SPTBN5: variants seen among roughly 807,000 people sequenced by gnomAD.
SPTBN5 encodes the protein spectrin beta, non-erythrocytic 5, also known as spectrin beta chain, non-erythrocytic 5.
SPTBN5 carries 513 observed loss-of-function variants against 477.6 expected under a neutral mutation model. The observed-to-expected ratio is 1.07, with a 90% CI of 1.00 to 1.16. SPTBN5 has a LOEUF of 1.16. Ranked by LOEUF, SPTBN5 falls within the 50% of genes most tolerant of loss-of-function variation. SPTBN5 has a pLI of 0.00. For missense variants in SPTBN5, 5,062 were observed against 4,731.8 expected (o/e 1.07, Z -2.05); for synonymous variants, 2,169 against 2,011.7 (o/e 1.08, Z -2.09).
chr15:41,859,622 C>T (rs906421932), intron 47 of SPTBN5, among the ~76,000 whole-genome samples: 5 of 152,286 alleles, frequency 3.3e-5, no homozygotes, highest in East Asian at 3.9e-4. Context: ...CACAGGGGGA[C>T]GATCTGCCTC....
chr15:41,858,901 C>T lies in SPTBN5; in HGVS notation c.8068G>A (p.Asp2690Asn), dbSNP rs376363277. The change falls in exon 48 of 68, where the codon GAC becomes AAC. Residue 2690 changes from aspartate to asparagine, a missense_variant. Coordinates refer to ENST00000320955, the MANE Select transcript of SPTBN5 (RefSeq NM_016642.4). ...CAAGCGAGGCGAACCTCCTGGGAGT[C>T]CTGCAGGAAGGCCTGCAGCTGCCGG... is the stretch of plus-strand genomic sequence containing the variant. The part of the protein sequence containing the change: ...ELRQLQAFLQ[D>N]SQEVAAWLRE... 6.3e-7 allele frequency: 1 copy of T among 1,590,302 alleles called. No homozygotes were observed. Among genetic ancestry groups the T allele is most frequent in the South Asian group, 1.1e-5 (1 of 88,776 alleles).
At chr15:41,866,771 G>C (rs1168737031) in intron 36 of SPTBN5, among the ~76,000 whole-genome samples, 188 bp downstream of exon 36, 1 of 152,220 alleles carries the variant, frequency 6.6e-6, no homozygotes, top group Non-Finnish European at 1.5e-5. Context: ...CGCTGCTAGA[G>C]CTCGGGACAC....
Position 41,879,353 on chromosome 15 carries a change from C to T in SPTBN5, c.3089G>A (p.Ser1030Asn), listed in dbSNP as rs771814159. ...LLQLEALQPG[S>N]SEDTCHALQL... Reference sequence around the variant, plus strand: ...CAGGGCGTGGCAGGTGTCCTCTGAGCTCCCTGGCTGCAGGGCCTCCAGCTG... The same window carrying T: ...CAGGGCGTGGCAGGTGTCCTCTGAGTTCCCTGGCTGCAGGGCCTCCAGCTG... The change falls in exon 16 of 68, where the codon AGC (serine) becomes AAC (asparagine). Residue 1030 changes from serine (S) to asparagine (N), a missense_variant. Transcript: ENST00000320955. 1.1e-5 allele frequency: 17 copies of T among 1,609,658 alleles called. No homozygotes were observed. In the Admixed American group the frequency reaches 1.7e-4, roughly 16 times the overall value.
chr15:41,862,913 G>C lies in SPTBN5; in HGVS notation c.7150-10C>G, dbSNP rs762966324. 5 of 1,562,784 alleles carry C rather than the reference G, an allele frequency of 3.2e-6. No individual in the cohort carries two copies. The highest frequency in any genetic ancestry group is 2.6e-6 in the Non-Finnish European group (3 of 1,154,580). ...CCTGGATCAGGGCTTCCTGGAGGAG[G>C]GGCACGGCCAGTTACCTGCTGGGCC... On this transcript the variant is annotated splice_polypyrimidine_tract_variant and intron_variant, in intron 41 of 67. Transcript: ENST00000320955.
chr15:41,893,894 C>T lies in SPTBN5; in HGVS notation c.-50+5G>A. The T allele has an allele frequency of 3.9e-6, 1 of 254,978 alleles. No homozygotes were observed. Among genetic ancestry groups the T allele is most frequent in the Non-Finnish European group, 7.7e-6 (1 of 130,678 alleles). 15.8% of individuals were successfully genotyped at this position (254,978 alleles called of 1,614,324 possible). On this transcript the variant is annotated splice_donor_5th_base_variant and intron_variant, in intron 1 of 67. Coordinates refer to ENST00000320955, the MANE Select transcript of SPTBN5 (RefSeq NM_016642.4). ...TGGAGATGGTAGATAGCAGGGGCTGCTTACCTTGGTGATGCCTGGGTTCCA... is the reference window on the plus strand; with the variant it reads ...TGGAGATGGTAGATAGCAGGGGCTGTTTACCTTGGTGATGCCTGGGTTCCA...
At chr15:41,874,797 C>T in intron 23 of SPTBN5, 45 bp downstream of exon 23, 9 of 1,560,950 alleles carry the variant, frequency 5.8e-6, no homozygotes, top group Non-Finnish European at 7.8e-6. Flanking sequence ...ACCTTAAATT[C>T]ACATGGAGGA....
intron 67 of SPTBN5, 125 bp downstream of exon 67, chr15:41,849,744 T>A (rs903100012): frequency 1.5e-5 from 11 of 734,296 alleles, no homozygotes; most frequent in South Asian, 1.2e-4. Flanking sequence ...AGGGTTCCAA[T>A]AGCATTTCCC....
Position 41,893,288 on chromosome 15 carries a change from G to A in SPTBN5, c.210C>T (p.Cys70=), listed in dbSNP as rs754207951. Residue 70 remains cysteine (C), a synonymous_variant, in exon 2 of 68, where the codon TGC becomes TGT. Coordinates refer to ENST00000320955, the MANE Select transcript of SPTBN5 (RefSeq NM_016642.4). ...CACAGCTGGCTATACTCACCTGGCC[G>A]CACTGGAAGACGTTATTGATCCACT... ...FTKWINNVFQ[C]GQAGIKIRNL... is the part of the protein sequence containing the mutation. 5.1e-5 allele frequency: 83 copies of A among 1,613,842 alleles called. No homozygotes were observed. The highest frequency in any genetic ancestry group is 4.9e-4 in the South Asian group (45 of 91,080).
At chr15:41,865,080 C>T (rs1476414250) in intron 39 of SPTBN5, among the ~76,000 whole-genome samples, 1 of 152,230 alleles carries the variant, frequency 6.6e-6, no homozygotes, top group Non-Finnish European at 1.5e-5. Flanking sequence ...TAGGTTTAAG[C>T]ACTGCCGCCT....
In SPTBN5 at chr15:41,883,456, C is replaced by A. The variant is rs976672610; in HGVS notation, c.1551G>T (p.Arg517Ser). The part of the protein sequence containing the change: ...RQEEVTVRWQ[R>S]LLQHLQGQRK... Reference sequence around the variant, plus strand: ...TCTGTCCCTGTAGATGCTGAAGGAGCCTCTGCCAGCGCACGGTAACTTCCT... The same window carrying A: ...TCTGTCCCTGTAGATGCTGAAGGAGACTCTGCCAGCGCACGGTAACTTCCT... Residue 517 changes from arginine to serine, a missense_variant, in exon 8 of 68, where the codon AGG (arginine) becomes AGT (serine). By Grantham distance (110) the Arg-to-Ser change is moderately radical. Coordinates refer to ENST00000320955, the MANE Select transcript of SPTBN5 (RefSeq NM_016642.4). 7 of 1,613,832 alleles carry A rather than the reference C, an allele frequency of 4.3e-6. No homozygotes were observed. The highest frequency in any genetic ancestry group is 2.2e-5 in the East Asian group (1 of 44,898).
At chr15:41,868,342 C>T (rs1217598932) in intron 33 of SPTBN5, 56 bp downstream of exon 33, 11 of 1,569,946 alleles carry the variant, frequency 7.0e-6, no homozygotes, top group Non-Finnish European at 9.5e-6. Flanking sequence ...CACCAGGTGG[C>T]CAGGCACAGG....
chr15:41,857,828 T>G, intron 49 of SPTBN5, 118 bp from the exon 50 acceptor site: 2 of 1,260,442 alleles, frequency 1.6e-6, no homozygotes, highest in Non-Finnish European at 2.1e-6. Context: ...AGCTGCATGA[T>G]CTTGAGCAAC....
At position 41,868,435 on chromosome 15, in the gene SPTBN5, T is replaced by G. The variant is rs1428416825; in HGVS notation, c.6020A>C (p.Gln2007Pro). The G allele has an allele frequency of 6.2e-7, 1 of 1,608,464 alleles. No homozygotes were observed. Among genetic ancestry groups the G allele is most frequent in the East Asian group, 2.2e-5 (1 of 44,746 alleles). ...KLWQQATQLG[Q>P]QALLAAGTPT... is the part of the protein sequence containing the mutation. The stretch of plus-strand genomic sequence containing the variant: ...TGTCCCTGCAGCAAGAAGTGCCTGC[T>G]GCCCCAGCTGGGTGGCCTGCTGCCA... The change falls in exon 33 of 68, where the codon CAG (glutamine) becomes CCG (proline). Residue 2007 changes from glutamine to proline, a missense_variant. By Grantham distance (76) the Gln-to-Pro change is moderately conservative. Transcript: ENST00000320955.
At chr15:41,868,302 G>A (rs1310635659) in intron 33 of SPTBN5, 84 bp from the exon 34 acceptor site, 2 of 1,563,750 alleles carry the variant, frequency 1.3e-6, no homozygotes, top group African/African-American at 1.4e-5. Context: ...AGCTCCTGAG[G>A]AGAGGCCAGC....
At position 41,851,068 on chromosome 15, in the gene SPTBN5, A is replaced by G; in HGVS notation, c.10826T>C (p.Phe3609Ser). ...ATGTCTCTCCGCTCACCTTAAGGAG[A>G]ATGTGTGTTTCCTGCCGTGGCGGCC... The part of the protein sequence containing the change: ...LRGRHGRKHT[F>S]SLRLTSGAEI... The change falls in exon 65 of 68, where the codon TTC becomes TCC. Residue 3609 changes from phenylalanine to serine, a missense_variant. Phe to Ser is a radical substitution (Grantham distance 155, BLOSUM62 -2). Transcript: ENST00000320955. The G allele has an allele frequency of 6.2e-7, 1 of 1,612,238 alleles. No homozygotes were observed. Among genetic ancestry groups the G allele is most frequent in the Non-Finnish European group, 8.5e-7 (1 of 1,179,538 alleles).
chr15:41,861,625 G>A (rs2066110730), intron 45 of SPTBN5, 110 bp downstream of exon 45: 10 of 1,505,564 alleles, frequency 6.6e-6, no homozygotes, highest in African/African-American at 1.4e-5. Context: ...TGGTGGGGAA[G>A]TCCCTGGCAC....
At chr15:41,854,660 A>G (rs1390545417) in intron 56 of SPTBN5, 122 bp downstream of exon 56, 5 of 836,244 alleles carry the variant, frequency 6.0e-6, no homozygotes, top group Admixed American at 3.3e-5. Flanking sequence ...GAAAAGGCAC[A>G]TTCACTTGAG....
chr15:41,882,342 C>A lies in SPTBN5; in HGVS notation c.2174G>T (p.Gly725Val). The change falls in exon 11 of 68, where the codon GGA (glycine) becomes GTA (valine). Residue 725 changes from glycine to valine, a missense_variant. Gly to Val is a moderately radical substitution (Grantham distance 109, BLOSUM62 -3). Coordinates refer to ENST00000320955, the MANE Select transcript of SPTBN5 (RefSeq NM_016642.4). ...DPGERAEAVQ[G>V]GWQLLQTRVV... Reference sequence around the variant, plus strand: ...CCGGGTCTGGAGCAGCTGCCACCCTCCCTGAACGGCCTCTGCCCGTTCCCC... The same window carrying A: ...CCGGGTCTGGAGCAGCTGCCACCCTACCTGAACGGCCTCTGCCCGTTCCCC... 2 of 1,535,036 alleles carry A rather than the reference C, an allele frequency of 1.3e-6. No homozygotes were observed. The highest frequency in any genetic ancestry group is 1.7e-6 in the Non-Finnish European group (2 of 1,146,270).
At chr15:41,872,830 G>A (rs573900328) in intron 26 of SPTBN5, among the ~76,000 whole-genome samples, 1 of 152,194 alleles carries the variant, frequency 6.6e-6, no homozygotes, top group African/African-American at 2.4e-5. Flanking sequence ...GCCGGGAGAT[G>A]GGTGCTCCGT....
Sources: gnomAD v4.1 joint callset for allele counts (sites outside exome capture counted in the v4.1 genomes callset) on GRCh38, gnomAD v4.1.1 for gene constraint, MANE v1.5 for transcripts, NCBI Gene and HGNC (gene_info 2026-07-23, HGNC 2026-07-21) for gene names.